The following SNTG1 variants were observed in gnomAD, a reference collection of about 807,000 sequenced individuals.
SNTG1 encodes syntrophin gamma 1.
In SNTG1, 39 loss-of-function variants were observed where a neutral mutation model predicts 74.7. That is an observed-to-expected ratio of 0.52 (90% CI 0.40 to 0.68). The LOEUF is 0.68. SNTG1 is among the 30% of genes least tolerant of loss of function. The pLI, the probability that SNTG1 is intolerant of heterozygous loss-of-function variation, is 0.00. For synonymous variants in SNTG1, 254 were observed against 217.1 expected, an observed-to-expected ratio of 1.17 and a Z score of -1.49; for missense variants, 685 against 609.5, an observed-to-expected ratio of 1.12 and a Z score of -1.30.
intron 4 of SNTG1, among the ~76,000 whole-genome samples, chr8:50,412,855 G>A (rs563688814): frequency 2.6e-5 from 4 of 152,348 alleles, no homozygotes; most frequent in Non-Finnish European, 4.4e-5. Flanking sequence ...CAGTTGGGAA[G>A]GATGTAAGGT....
intron 18 of SNTG1, among the ~76,000 whole-genome samples, chr8:50,790,601 TG>T (rs2095688130): frequency 6.6e-6 from 1 of 151,774 alleles, no homozygotes. Flanking sequence ...GGAGTGGAAA[TG>T]GTTGCCAAGG....
chr8:49,959,758 C>A (rs1213097701), intron 1 of SNTG1, among the ~76,000 whole-genome samples: 1 of 152,180 alleles, frequency 6.6e-6, no homozygotes, highest in Non-Finnish European at 1.5e-5. Flanking sequence ...TTGTGAACAG[C>A]TGTATCCAAG....
intron 13 of SNTG1, among the ~76,000 whole-genome samples, chr8:50,607,130 A>T (rs1030500577): frequency 4.6e-5 from 7 of 151,848 alleles, no homozygotes; most frequent in African/African-American, 1.7e-4. Context: ...CTTATTTTTT[A>T]CTTTTTATTT....
At chr8:50,113,684 A>G (rs1474388021) in intron 1 of SNTG1, among the ~76,000 whole-genome samples, 2 of 152,172 alleles carry the variant, frequency 1.3e-5, no homozygotes, top group Non-Finnish European at 2.9e-5. Context: ...GAATGCTTCC[A>G]GTTTTTGCCC....
At chr8:50,653,618 A>G (rs2095162254) in intron 13 of SNTG1, among the ~76,000 whole-genome samples, 1 of 151,886 alleles carries the variant, frequency 6.6e-6, no homozygotes, top group Admixed American at 6.6e-5. Context: ...TTTTTTCTAT[A>G]TGTTTATTTT....
intron 2 of SNTG1, among the ~76,000 whole-genome samples, chr8:50,303,957 C>A (rs1587031477): frequency 1.3e-5 from 2 of 152,106 alleles, no homozygotes; most frequent in Non-Finnish European, 2.9e-5. Flanking sequence ...GCAAATCACA[C>A]AATAGTTATG....
At chr8:50,252,759 A>G (rs560378683) in intron 2 of SNTG1, among the ~76,000 whole-genome samples, 2 of 152,322 alleles carry the variant, frequency 1.3e-5, no homozygotes, top group South Asian at 4.1e-4. Flanking sequence ...AAAGGCAGTC[A>G]CAAGGGATTC....
intron 1 of SNTG1, among the ~76,000 whole-genome samples, chr8:50,151,943 G>A (rs2082083664): frequency 6.6e-6 from 1 of 152,194 alleles, no homozygotes; most frequent in Non-Finnish European, 1.5e-5. Context: ...GTGCCGAGCT[G>A]AGTTCAATTC....
At chr8:50,746,333 C>T (rs1276738288) in intron 17 of SNTG1, among the ~76,000 whole-genome samples, 1 of 151,964 alleles carries the variant, frequency 6.6e-6, no homozygotes, top group African/African-American at 2.4e-5. Flanking sequence ...CAACACATCA[C>T]ACTCAAATCA....
chr8:50,084,765 G>T (rs1822723375), intron 1 of SNTG1, among the ~76,000 whole-genome samples: 1 of 152,192 alleles, frequency 6.6e-6, no homozygotes, highest in Non-Finnish European at 1.5e-5. Context: ...CAAGGGCTCT[G>T]CCCACATGAA....
chr8:50,343,805 A>T (rs1435873388), intron 2 of SNTG1, among the ~76,000 whole-genome samples: 1 of 152,264 alleles, frequency 6.6e-6, no homozygotes, highest in Non-Finnish European at 1.5e-5. Flanking sequence ...ATAAAAAAAT[A>T]GTAATAACTC....
chr8:50,049,459 T>C (rs1408552990), intron 1 of SNTG1, among the ~76,000 whole-genome samples: 4 of 152,278 alleles, frequency 2.6e-5, no homozygotes, highest in South Asian at 2.1e-4. Context: ...GTCATTAACA[T>C]GTTTGCACTT....
chr8:49,949,278 A>G (rs778065876), intron 1 of SNTG1, among the ~76,000 whole-genome samples: 4 of 152,268 alleles, frequency 2.6e-5, no homozygotes, highest in Admixed American at 2.6e-4. Flanking sequence ...AATCGATGTC[A>G]TCATGTGAAA....
intron 2 of SNTG1, among the ~76,000 whole-genome samples, chr8:50,209,089 T>G (rs182603696): frequency 1.3e-5 from 2 of 152,300 alleles, no homozygotes; most frequent in African/African-American, 4.8e-5. Context: ...GCACATGGCT[T>G]GGAGGGTCCC....
chr8:49,999,367 G>A (rs543523578), intron 1 of SNTG1, among the ~76,000 whole-genome samples: 3 of 152,122 alleles, frequency 2.0e-5, no homozygotes, highest in Admixed American at 6.6e-5. Flanking sequence ...GAGCAGCCTG[G>A]GTGAGTACGG....
intron 1 of SNTG1, among the ~76,000 whole-genome samples, chr8:49,925,686 A>G (rs904647778): frequency 2.6e-5 from 4 of 152,188 alleles, no homozygotes; most frequent in Non-Finnish European, 5.9e-5. Flanking sequence ...AAATGGAATC[A>G]TATGGTATGT....
chr8:50,383,427 ATATAT>A (rs1261170384), intron 2 of SNTG1, among the ~76,000 whole-genome samples: 2 of 152,228 alleles, frequency 1.3e-5, no homozygotes, highest in African/African-American at 2.4e-5. Context: ...GATAATTGAC[ATATAT>A]TATACATATG....
intron 2 of SNTG1, among the ~76,000 whole-genome samples, chr8:50,330,361 A>G (rs997907648): frequency 2.0e-5 from 3 of 152,142 alleles, no homozygotes; most frequent in East Asian, 1.9e-4. Flanking sequence ...TCTTTTCTTT[A>G]TAAATTAACC....
rs957079313 is a variant in SNTG1 at position 50,341,402 on chromosome 8, A to T, written c.-27-52810A>T. Among the ~76,000 whole-genome samples, 4 of 152,054 alleles carry T rather than the reference A, an allele frequency of 2.6e-5. No individual in the cohort carries two copies. The East Asian group carries it at 7.7e-4, about 29-fold the overall frequency. ...CATAATCAGATTTCAAATTTAATGA[A>T]TATTTGCTACAGTCATTTCTATGTA... On this transcript the variant is annotated intron_variant, in intron 2 of 18. Coordinates refer to ENST00000642720, the MANE Select transcript of SNTG1 (RefSeq NM_018967.5).
Sources: gnomAD v4.1 joint callset for allele counts (sites outside exome capture counted in the v4.1 genomes callset) on GRCh38, gnomAD v4.1.1 for gene constraint, MANE v1.5 for transcripts, NCBI Gene and HGNC (gene_info 2026-07-23, HGNC 2026-07-21) for gene names.